Variants in TMPRSS4 observed in about 807,000 individuals in gnomAD.
TMPRSS4 encodes the protein transmembrane protease serine 4.
In TMPRSS4, 45 loss-of-function variants were observed where a neutral mutation model predicts 56.4. The observed-to-expected ratio is 0.80, with a 90% CI of 0.63 to 1.02. The LOEUF is 1.02. Among genes scored for constraint, TMPRSS4 ranks in the 50% least tolerant of loss-of-function variants. The pLI is 0.00. For synonymous variants in TMPRSS4, 205 were observed against 211.0 expected (o/e 0.97, Z 0.25); for missense variants, 546 against 556.7 (o/e 0.98, Z 0.19).
At chr11:118,102,160 C>G (rs190941554) in intron 3 of TMPRSS4, among the ~76,000 whole-genome samples, 1 of 152,098 alleles carries the variant, frequency 6.6e-6, no homozygotes, top group Non-Finnish European at 1.5e-5. Context: ...TCCCTCCTCC[C>G]GCCTCCCCCC....
intron 3 of TMPRSS4, among the ~76,000 whole-genome samples, chr11:118,099,734 G>A (rs945800171): frequency 6.6e-6 from 1 of 152,136 alleles, no homozygotes; most frequent in Non-Finnish European, 1.5e-5. Context: ...AGCAGCGGCT[G>A]GAAGAACAGG....
In TMPRSS4 at chr11:118,103,159, G is replaced by A. The variant is rs774441472; in HGVS notation, c.216G>A (p.Pro72=). 61 of 1,614,194 alleles carry A rather than the reference G, an allele frequency of 3.8e-5. No individual in the cohort carries two copies. Among genetic ancestry groups the A allele is most frequent in the East Asian group, 4.5e-5 (2 of 44,884 alleles). Residue 72 remains proline, a synonymous_variant, in exon 4 of 13, where the codon CCG becomes CCA. Transcript: ENST00000437212. The part of the protein sequence containing the change: ...FLCGQPLHFI[P]RKQLCDGELD... ...GCGGGCAGCCTCTCCACTTCATCCC[G>A]AGGAAGCAGCTGTGTGACGGAGAGC... is the stretch of plus-strand genomic sequence containing the variant.
intron 1 of TMPRSS4, among the ~76,000 whole-genome samples, chr11:118,089,402 T>C (rs1945802700): frequency 5.3e-5 from 8 of 152,212 alleles, no homozygotes; most frequent in Admixed American, 5.2e-4. Flanking sequence ...ATGGCTTTTT[T>C]ATGTTTTCCT....
At position 118,101,773 on chromosome 11, in the gene TMPRSS4, A is replaced by G. The variant is rs1293565484; in HGVS notation, c.158-1328A>G. ...GGATTACAGGTGTGAACTACCATGC[A>G]TGGCCAGAAAAAGTGTTAAAATATC... On this transcript the variant is annotated intron_variant, in intron 3 of 12. Transcript: ENST00000437212. Among the ~76,000 whole-genome samples the G allele has an allele frequency of 2.0e-5, 3 of 152,144 alleles. No homozygotes were observed. The East Asian group carries it at 5.8e-4, about 29-fold the overall frequency.
At chr11:118,096,006 G>A (rs1305136877) in intron 2 of TMPRSS4, among the ~76,000 whole-genome samples, 2 of 152,180 alleles carry the variant, frequency 1.3e-5, no homozygotes, top group Admixed American at 6.5e-5. Context: ...AGAATGTCTG[G>A]TCTTGGACAC....
downstream of TMPRSS4, among the ~76,000 whole-genome samples, chr11:118,124,192 CT>C (rs1947849142): frequency 6.6e-6 from 1 of 152,020 alleles, no homozygotes; most frequent in Non-Finnish European, 1.5e-5. Flanking sequence ...CAAGACCATC[CT>C]GGCCAACATG....
rs929788649 is a variant in TMPRSS4, at chr11:118,117,897, T to C, written c.1303-5T>C. On this transcript the variant is annotated splice_polypyrimidine_tract_variant and splice_region_variant and intron_variant, in intron 12 of 12. Coordinates refer to ENST00000437212, the MANE Select transcript of TMPRSS4 (RefSeq NM_019894.4). ...CTTTCTCTTCATCGGTCTCTCTTAT[T>C]CTAGGCTGAGCTGTAATGCTGCTGC... 1 of 1,613,740 alleles carries C rather than the reference T, an allele frequency of 6.2e-7. No homozygotes were observed. Among genetic ancestry groups the C allele is most frequent in the Non-Finnish European group, 8.5e-7 (1 of 1,180,030 alleles).
chr11:118,122,792 C>A (rs1947820626), downstream of TMPRSS4, among the ~76,000 whole-genome samples: 1 of 152,044 alleles, frequency 6.6e-6, no homozygotes, highest in African/African-American at 2.4e-5. Flanking sequence ...ATGCTTGTGT[C>A]CCCCAAAATT....
At chr11:118,114,088 G>A (rs372318999) in intron 9 of TMPRSS4, among the ~76,000 whole-genome samples, 99 of 152,236 alleles carry the variant, frequency 6.5e-4, no homozygotes, top group African/African-American at 1.8e-3. Flanking sequence ...GTTTTATTGC[G>A]TTTAACCTAC....
intron 3 of TMPRSS4, among the ~76,000 whole-genome samples, chr11:118,099,896 T>G (rs1433177112): frequency 6.6e-6 from 1 of 152,162 alleles, no homozygotes; most frequent in Non-Finnish European, 1.5e-5. Flanking sequence ...CCTCAGGCCC[T>G]TATCTGTGAT....
At position 118,118,228 on chromosome 11, in the gene TMPRSS4, G is replaced by A; in HGVS notation, c.*315G>A. 1.6e-6 allele frequency: 2 copies of A among 1,282,024 alleles called. No homozygotes were observed. Among genetic ancestry groups the A allele is most frequent in the Non-Finnish European group, 2.0e-6 (2 of 1,012,896 alleles). The allele number at this position is 1,282,024 out of a possible 1,614,324, so 79.4% of individuals were successfully genotyped here. A position where few individuals can be genotyped will look rare whatever the true frequency, so the allele number is the denominator to read the frequency against. ...AGGAACTTTCCCACACTACTGAATG[G>A]AAGCAGGCTGTCTTGTAAAAGCCCA... On this transcript the variant is annotated 3_prime_UTR_variant, in exon 13 of 13. Transcript: ENST00000437212.
chr11:118,106,439 T>C (rs954843154), intron 5 of TMPRSS4: 10 of 151,892 alleles, frequency 6.6e-5, no homozygotes, highest in African/African-American at 2.4e-4. Context: ...CCTAGAACCA[T>C]AGGCATTTCA....
chr11:118,108,701 A>T, intron 6 of TMPRSS4, 155 bp from the exon 7 acceptor site: 1 of 665,856 alleles, frequency 1.5e-6, no homozygotes, highest in Non-Finnish European at 2.6e-6. Flanking sequence ...AATGCAATGG[A>T]TGTCAATGCA....
chr11:118,105,336 G>A (rs1178546550), intron 5 of TMPRSS4, among the ~76,000 whole-genome samples: 1 of 152,160 alleles, frequency 6.6e-6, no homozygotes, highest in Non-Finnish European at 1.5e-5. Flanking sequence ...TGGATGAAAA[G>A]GTGTAAGATG....
chr11:118,078,541 A>G (rs1311415402), intron 1 of TMPRSS4, among the ~76,000 whole-genome samples: 1 of 152,180 alleles, frequency 6.6e-6, no homozygotes, highest in East Asian at 1.9e-4. Context: ...TCAAAGCACA[A>G]GCTTCCTGCT....
rs1463734684 is a variant in TMPRSS4, at chr11:118,096,898, AGAAAGAAAGAAAGG to A, written c.43+2046_43+2059del. On this transcript the variant is annotated intron_variant, in intron 2 of 12. Transcript: ENST00000437212. ...AAGAAAGAAAGAAAGAAAGAAAGAA[AGAAAGAAAGAAAGG>A]GAGAGAGAAAGGAAAGAAAGAAAGA... Among the ~76,000 whole-genome samples, 19 of 55,722 alleles carry A rather than the reference AGAAAGAAAGAAAGG, an allele frequency of 3.4e-4. 2 individuals carry two copies. The highest frequency in any genetic ancestry group is 3.7e-4 in the African/African-American group (5 of 13,592). 36.6% of individuals were successfully genotyped at this position (55,722 alleles called of 152,430 possible).
In TMPRSS4 at chr11:118,119,301, G is replaced by T. The variant is rs918658149; in HGVS notation, c.*1388G>T. On this transcript the variant is annotated 3_prime_UTR_variant, in exon 13 of 13. Transcript: ENST00000437212. ...CTGAAGACAAGGGAGCTGAACCAGGGCTCCTACATGAAGCAGGGATAACTG... is the reference window on the plus strand; with the variant it reads ...CTGAAGACAAGGGAGCTGAACCAGGTCTCCTACATGAAGCAGGGATAACTG... 1.0e-6 allele frequency: 1 copy of T among 985,272 alleles called. No individual in the cohort carries two copies. Among genetic ancestry groups the T allele is most frequent in the African/African-American group, 1.7e-5 (1 of 57,222 alleles). The allele number at this position is 985,272 out of a possible 1,614,324, so 61.0% of individuals were successfully genotyped here. A position where few individuals can be genotyped will look rare whatever the true frequency, so the allele number is the denominator to read the frequency against.
chr11:118,116,079 A>G (rs1180547268), intron 11 of TMPRSS4, among the ~76,000 whole-genome samples: 1 of 151,814 alleles, frequency 6.6e-6, no homozygotes, highest in Non-Finnish European at 1.5e-5. Context: ...CCTCCCCCAT[A>G]CTTCCAGAGG....
Position 118,115,160 on chromosome 11 carries a change from G to C in TMPRSS4, c.1032G>C (p.Leu344=). 6.2e-7 allele frequency: 1 copy of C among 1,611,810 alleles called. No individual in the cohort carries two copies. Among genetic ancestry groups the C allele is most frequent in the Non-Finnish European group, 8.5e-7 (1 of 1,179,338 alleles). Residue 344 remains leucine, a synonymous_variant, in exon 11 of 13, where the codon CTG becomes CTC. Coordinates refer to ENST00000437212, the MANE Select transcript of TMPRSS4 (RefSeq NM_019894.4). ...CAGGGAAGATGTCTGACATACTGCT[G>C]CAGGCGTCAGTCCAGGTCATTGACA... ...QNGGKMSDIL[L]QASVQVIDST...
Sources: allele counts gnomAD v4.1 joint callset (sites outside exome capture counted in the v4.1 genomes callset), GRCh38; gene constraint gnomAD v4.1.1; transcripts MANE v1.5; gene names NCBI Gene and HGNC (gene_info 2026-07-23, HGNC 2026-07-21).